RBFOX1: variants seen among roughly 807,000 people sequenced by gnomAD.
The protein encoded by RBFOX1 is RNA binding protein fox-1 homolog 1.
In RBFOX1, 8 loss-of-function variants were observed where a neutral mutation model predicts 57.7. The ratio of observed to expected loss-of-function variants is 0.14; its 90% CI spans 0.08 to 0.25. The LOEUF is 0.25. RBFOX1 is among the 10% of genes least tolerant of loss of function. RBFOX1 has a pLI of 1.00. For synonymous variants in RBFOX1, 326 were observed against 222.4 expected (o/e 1.47, Z -4.15); for missense variants, 611 against 548.5 (o/e 1.11, Z -1.14).
At chr16:5,680,632 A>G (rs1391855308) in intron 3 of RBFOX1, among the ~76,000 whole-genome samples, 1 of 152,200 alleles carries the variant, frequency 6.6e-6, no homozygotes, top group African/African-American at 2.4e-5. Context: ...AAGTCAGCGG[A>G]GTGAAGGAGA....
chr16:6,080,042 G>A (rs2095976414), intron 1 of RBFOX1, among the ~76,000 whole-genome samples: 1 of 152,138 alleles, frequency 6.6e-6, no homozygotes, highest in Non-Finnish European at 1.5e-5. Context: ...TTTAAGTCTG[G>A]TAATGCTATT....
chr16:6,644,565 T>G (rs1366357019), intron 2 of RBFOX1, among the ~76,000 whole-genome samples: 1 of 152,238 alleles, frequency 6.6e-6, no homozygotes, highest in Non-Finnish European at 1.5e-5. Flanking sequence ...TGAAAAGCTC[T>G]CTGGGACTTT....
chr16:5,844,524 A>C (rs1446208076), intron 3 of RBFOX1, among the ~76,000 whole-genome samples: 3 of 152,200 alleles, frequency 2.0e-5, no homozygotes, highest in South Asian at 4.1e-4. Flanking sequence ...CACCTTGGAC[A>C]TGTGTGTAAG....
chr16:7,023,723 C>T (rs1461526452), intron 3 of RBFOX1, among the ~76,000 whole-genome samples: 1 of 152,066 alleles, frequency 6.6e-6, no homozygotes, highest in African/African-American at 2.4e-5. Flanking sequence ...CTCTACAGTA[C>T]ACAGAAACAG....
chr16:5,513,862 A>G (rs2043694025), intron 2 of RBFOX1, among the ~76,000 whole-genome samples: 1 of 152,118 alleles, frequency 6.6e-6, no homozygotes, highest in African/African-American at 2.4e-5. Flanking sequence ...GAGTGGTGCA[A>G]AATTTAAGGG....
intron 1 of RBFOX1, among the ~76,000 whole-genome samples, chr16:5,422,812 G>A (rs1161256591): frequency 1.4e-5 from 2 of 138,354 alleles, no homozygotes; most frequent in African/African-American, 5.5e-5. Flanking sequence ...AGGAGGAGGA[G>A]GAGGGAGTGG....
At chr16:7,399,200 C>T (rs915588534) in intron 4 of RBFOX1, among the ~76,000 whole-genome samples, 19 of 152,222 alleles carry the variant, frequency 1.2e-4, no homozygotes, top group Non-Finnish European at 2.5e-4. Flanking sequence ...GTTATCCCAA[C>T]ATTTTGGGAG....
chr16:6,071,162 A>T (rs1055119129), intron 1 of RBFOX1, among the ~76,000 whole-genome samples: 2 of 152,054 alleles, frequency 1.3e-5, no homozygotes, highest in African/African-American at 4.8e-5. Flanking sequence ...ATCTCTACAA[A>T]AATACAAAAA....
At chr16:7,227,764 C>T (rs2093238447) in intron 4 of RBFOX1, among the ~76,000 whole-genome samples, 1 of 152,234 alleles carries the variant, frequency 6.6e-6, no homozygotes, top group South Asian at 2.1e-4. Context: ...CCTGGAATCT[C>T]TCCCTTCCTG....
chr16:6,189,198 A>G (rs1359450226), intron 1 of RBFOX1, among the ~76,000 whole-genome samples: 1 of 152,222 alleles, frequency 6.6e-6, no homozygotes, highest in East Asian at 1.9e-4. Context: ...GAATGCTTTC[A>G]TAGCAAATGT....
At chr16:6,822,419 T>C (rs187151325) in intron 3 of RBFOX1, among the ~76,000 whole-genome samples, 1 of 152,334 alleles carries the variant, frequency 6.6e-6, no homozygotes, top group East Asian at 1.9e-4. Flanking sequence ...TAAAAGCCAC[T>C]GCAAACTTTC....
At chr16:6,434,837 C>T (rs1174381869) in intron 2 of RBFOX1, among the ~76,000 whole-genome samples, 2 of 152,216 alleles carry the variant, frequency 1.3e-5, no homozygotes, top group African/African-American at 4.8e-5. Flanking sequence ...ATTTGTACCT[C>T]ATGATCCTTC....
intron 4 of RBFOX1, among the ~76,000 whole-genome samples, chr16:5,943,878 T>G (rs2059332396): frequency 6.6e-6 from 1 of 151,816 alleles, no homozygotes; most frequent in African/African-American, 2.4e-5. Context: ...TTAATCTACC[T>G]GTTCACCCAG....
intron 4 of RBFOX1, among the ~76,000 whole-genome samples, chr16:7,211,598 G>C (rs2091154817): frequency 6.6e-6 from 1 of 152,030 alleles, no homozygotes; most frequent in Non-Finnish European, 1.5e-5. Flanking sequence ...AGAAAGAGTT[G>C]TTGAAATCTA....
Position 6,057,825 on chromosome 16 carries a change from GTTTTTTTTTT to G in RBFOX1, c.-127+37847_-127+37856del, listed in dbSNP as rs34335596. Among the ~76,000 whole-genome samples the G allele has an allele frequency of 5.5e-4, 45 of 81,126 alleles. No homozygotes were observed. In the Admixed American group the frequency reaches 7.6e-3, roughly 14 times the overall value. The allele number at this position is 81,126 out of a possible 152,430, so 53.2% of individuals were successfully genotyped here. A position where few individuals can be genotyped will look rare whatever the true frequency, so the allele number is the denominator to read the frequency against. On this transcript the variant is annotated intron_variant, in intron 1 of 15. Coordinates refer to ENST00000550418, the MANE Select transcript of RBFOX1 (RefSeq NM_018723.4). ...GAAATTTTATGAGGGTTTGCTATGG[GTTTTTTTTTT>G]TTTTTTTTTTTTTGAGGCAAACATA...
At chr16:6,728,651 T>G (rs746094965) in intron 3 of RBFOX1, among the ~76,000 whole-genome samples, 6 of 152,186 alleles carry the variant, frequency 3.9e-5, no homozygotes, top group Admixed American at 6.5e-5. Flanking sequence ...TGTTGGATAT[T>G]GATTCTGAAT....
chr16:7,184,052 A>G (rs1295677022), intron 4 of RBFOX1, among the ~76,000 whole-genome samples: 2 of 152,188 alleles, frequency 1.3e-5, no homozygotes, highest in Non-Finnish European at 2.9e-5. Flanking sequence ...AGCCCAGGAA[A>G]GTGGTGGTGG....
At chr16:5,755,722 C>G (rs116171943) in intron 3 of RBFOX1, among the ~76,000 whole-genome samples, 2 of 152,158 alleles carry the variant, frequency 1.3e-5, no homozygotes, top group Non-Finnish European at 2.9e-5. Context: ...ACTCGGCCTC[C>G]GAAGTAGCTG....
intron 4 of RBFOX1, among the ~76,000 whole-genome samples, chr16:7,170,800 G>C (rs2080539356): frequency 6.6e-6 from 1 of 152,148 alleles, no homozygotes; most frequent in South Asian, 2.1e-4. Flanking sequence ...GCTTATTAAG[G>C]TGGTGACAGA....
Sources: gnomAD v4.1 joint callset for allele counts (sites outside exome capture counted in the v4.1 genomes callset) on GRCh38, gnomAD v4.1.1 for gene constraint, MANE v1.5 for transcripts, NCBI Gene and HGNC (gene_info 2026-07-23, HGNC 2026-07-21) for gene names.